Variants in LRRTM4 observed in about 807,000 individuals in gnomAD.
LRRTM4 encodes leucine rich repeat transmembrane neuronal 4.
LRRTM4 carries 25 observed loss-of-function variants against 47.6 expected under a neutral mutation model. That is an observed-to-expected ratio of 0.53 (90% CI 0.38 to 0.73). The LOEUF is 0.73. Among genes scored for constraint, LRRTM4 ranks in the 30% least tolerant of loss-of-function variants. The pLI is 0.00. For missense variants in LRRTM4, 638 were observed against 713.4 expected (o/e 0.89, Z 1.20); for synonymous variants, 311 against 269.5 (o/e 1.15, Z -1.51).
At chr2:77,516,796 T>C (rs751317512) in intron 3 of LRRTM4, 23 of 979,270 alleles carry the variant, frequency 2.3e-5, no homozygotes, top group Non-Finnish European at 2.8e-5. Flanking sequence ...ATGAATTCTT[T>C]GAAGAACAGT....
chr2:76,888,447 T>C lies in LRRTM4; in HGVS notation c.1552-139531A>G, dbSNP rs543061085. Among the ~76,000 whole-genome samples the C allele has an allele frequency of 1.5e-3, 223 of 151,690 alleles. 7 individuals are homozygous for C. The South Asian group carries it at 0.044, about 30-fold the overall frequency. On this transcript the variant is annotated intron_variant, in intron 3 of 3. Coordinates refer to ENST00000409884, the MANE Select transcript of LRRTM4 (RefSeq NM_001134745.3). ...TCAAAAGTTTAACAGTTATTCTCTA[T>C]TGATGGTAACTTATTTTTTTATATG...
chr2:77,429,792 G>T (rs1675288433), intron 3 of LRRTM4, among the ~76,000 whole-genome samples: 1 of 152,160 alleles, frequency 6.6e-6, no homozygotes, highest in Admixed American at 6.6e-5. Flanking sequence ...TCTGCCAGGT[G>T]GGGTGTCTCA....
chr2:77,145,528 C>A (rs1039260796), intron 3 of LRRTM4, among the ~76,000 whole-genome samples: 1 of 151,224 alleles, frequency 6.6e-6, no homozygotes, highest in Non-Finnish European at 1.5e-5. Flanking sequence ...CAGCACTTTG[C>A]GAGGCCAAGG....
chr2:77,471,575 C>T (rs184493553), intron 3 of LRRTM4, among the ~76,000 whole-genome samples: 15 of 152,234 alleles, frequency 9.9e-5, no homozygotes, highest in Admixed American at 8.5e-4. Flanking sequence ...CTCTCTCCTC[C>T]ACTTTAGCCA....
chr2:77,243,092 T>C (rs1424928139), intron 3 of LRRTM4, among the ~76,000 whole-genome samples: 2 of 152,108 alleles, frequency 1.3e-5, no homozygotes, highest in East Asian at 1.9e-4. Flanking sequence ...GAGGAAATTA[T>C]GGTAAGTGAA....
intron 3 of LRRTM4, among the ~76,000 whole-genome samples, chr2:77,164,992 A>C (rs1293907675): frequency 2.0e-5 from 3 of 152,128 alleles, no homozygotes; most frequent in Non-Finnish European, 2.9e-5. Flanking sequence ...ACAGAGACAC[A>C]AAAAACCCTT....
intron 3 of LRRTM4, among the ~76,000 whole-genome samples, chr2:77,202,092 G>A (rs949558911): frequency 6.6e-6 from 1 of 152,116 alleles, no homozygotes; most frequent in Non-Finnish European, 1.5e-5. Flanking sequence ...AATGACAGCT[G>A]CTGTCAGGTG....
At chr2:77,084,231 G>C (rs560821742) in intron 3 of LRRTM4, among the ~76,000 whole-genome samples, 2 of 152,104 alleles carry the variant, frequency 1.3e-5, no homozygotes, top group African/African-American at 4.8e-5. Flanking sequence ...CTTGTCTTTC[G>C]CTCATCTTCA....
intron 3 of LRRTM4, among the ~76,000 whole-genome samples, chr2:76,976,731 A>G (rs1298190454): frequency 1.3e-5 from 2 of 151,848 alleles, no homozygotes; most frequent in Non-Finnish European, 2.9e-5. Flanking sequence ...ATAGATGCAA[A>G]GTGACAGCTG....
intron 3 of LRRTM4, among the ~76,000 whole-genome samples, chr2:77,111,378 C>T (rs886549254): frequency 3.3e-5 from 5 of 151,126 alleles, no homozygotes; most frequent in African/African-American, 1.2e-4. Context: ...CCGCCCGCCT[C>T]GGCCTCCCAA....
intron 3 of LRRTM4, among the ~76,000 whole-genome samples, chr2:77,354,834 G>T (rs1283792213): frequency 6.6e-6 from 1 of 152,128 alleles, no homozygotes; most frequent in African/African-American, 2.4e-5. Context: ...AAATGGCAGT[G>T]CTCAGAACAG....
chr2:76,968,721 C>A (rs62170356), intron 3 of LRRTM4, among the ~76,000 whole-genome samples: 18,753 of 151,430 alleles, frequency 0.12, 1,470 homozygotes, highest in Admixed American at 0.2. Context: ...CCACACTCTC[C>A]GGTAAGGATC....
chr2:77,035,496 T>G lies in LRRTM4; in HGVS notation c.1552-286580A>C, dbSNP rs1191397251. 2.6e-5 allele frequency among the ~76,000 whole-genome samples: 4 copies of G among 151,948 alleles called. No homozygotes were observed. In the East Asian group the frequency reaches 7.7e-4, roughly 29 times the overall value. ...TCATAACCTCAGGCAACACTAACAG[T>G]TTATCATTTCTATAATTTTATTTCA... On this transcript the variant is annotated intron_variant, in intron 3 of 3. Coordinates refer to ENST00000409884, the MANE Select transcript of LRRTM4 (RefSeq NM_001134745.3).
intron 3 of LRRTM4, among the ~76,000 whole-genome samples, chr2:77,326,510 C>T (rs1670781460): frequency 6.6e-6 from 1 of 152,168 alleles, no homozygotes; most frequent in South Asian, 2.1e-4. Flanking sequence ...CCTCCCACCT[C>T]AGCCTCCTGA....
intron 3 of LRRTM4, among the ~76,000 whole-genome samples, chr2:77,468,898 T>C (rs867503703): frequency 1.3e-5 from 2 of 152,208 alleles, no homozygotes; most frequent in Non-Finnish European, 2.9e-5. Flanking sequence ...AAACATCTGC[T>C]AAATGGACCC....
At chr2:77,011,395 G>A (rs1019850891) in intron 3 of LRRTM4, among the ~76,000 whole-genome samples, 1 of 152,006 alleles carries the variant, frequency 6.6e-6, no homozygotes, top group African/African-American at 2.4e-5. Context: ...CTGGGATAGG[G>A]ACTTATTATT....
intron 3 of LRRTM4, among the ~76,000 whole-genome samples, chr2:76,997,758 G>A (rs1291267476): frequency 6.6e-6 from 1 of 152,114 alleles, no homozygotes; most frequent in African/African-American, 2.4e-5. Context: ...CTGCACAGCA[G>A]GAGGTGAGCA....
intron 3 of LRRTM4, among the ~76,000 whole-genome samples, chr2:77,294,991 A>T (rs2104142343): frequency 6.6e-6 from 1 of 152,268 alleles, no homozygotes; most frequent in South Asian, 2.1e-4. Flanking sequence ...ACATTTATGT[A>T]ACTATCATGA....
intron 3 of LRRTM4, among the ~76,000 whole-genome samples, chr2:77,087,642 G>A (rs752884595): frequency 6.0e-4 from 91 of 152,026 alleles, no homozygotes; most frequent in Admixed American, 1.5e-3. Flanking sequence ...GGAACAATAA[G>A]AAACATAACT....
Sources: gnomAD v4.1 joint callset for allele counts (sites outside exome capture counted in the v4.1 genomes callset) on GRCh38, gnomAD v4.1.1 for gene constraint, MANE v1.5 for transcripts, NCBI Gene and HGNC (gene_info 2026-07-23, HGNC 2026-07-21) for gene names.